Variants in SPHKAP observed in about 807,000 individuals in gnomAD.
SPHKAP encodes the protein A-kinase anchor protein SPHKAP.
SPHKAP carries 67 observed loss-of-function variants against 137.5 expected under a neutral mutation model. The ratio of observed to expected loss-of-function variants is 0.49; its 90% CI spans 0.40 to 0.60. The LOEUF (loss-of-function observed/expected upper bound fraction) is 0.60. SPHKAP is among the 20% of genes least tolerant of loss of function. The probability of loss-of-function intolerance (pLI) is 0.00; values close to 1 mark genes in which losing one functional copy is unlikely to be tolerated. For synonymous variants in SPHKAP, 813 were observed against 785.3 expected (o/e 1.04, Z -0.59); for missense variants, 2,097 against 2,069.3 (o/e 1.01, Z -0.26).
chr2:228,036,000 G>A (rs10211058), intron 3 of SPHKAP, among the ~76,000 whole-genome samples: 88,274 of 144,602 alleles, frequency 0.61, 27,503 homozygotes, highest in African/African-American at 0.74. Flanking sequence ...AAACACCAAA[G>A]GCAATGGCAA....
intron 2 of SPHKAP, among the ~76,000 whole-genome samples, chr2:228,111,228 T>G (rs1559179045): frequency 6.6e-6 from 1 of 152,126 alleles, no homozygotes; most frequent in South Asian, 2.1e-4. Flanking sequence ...TCTAACTGAG[T>G]TGAAATCCTA....
intron 1 of SPHKAP, among the ~76,000 whole-genome samples, chr2:228,178,858 A>G (rs1183207187): frequency 2.0e-5 from 3 of 152,144 alleles, no homozygotes; most frequent in African/African-American, 7.2e-5. Flanking sequence ...GAAAATATTC[A>G]TAGTAAAAAT....
At chr2:228,063,524 A>G (rs1357490118) in intron 3 of SPHKAP, among the ~76,000 whole-genome samples, 2 of 152,204 alleles carry the variant, frequency 1.3e-5, no homozygotes, top group Admixed American at 6.5e-5. Flanking sequence ...CATGTAGCAC[A>G]TTATGAACTA....
At chr2:228,020,790 T>C (rs1008760560) in intron 6 of SPHKAP, among the ~76,000 whole-genome samples, 2 of 152,206 alleles carry the variant, frequency 1.3e-5, no homozygotes, top group Non-Finnish European at 1.5e-5. Flanking sequence ...TTGAATGGTT[T>C]TCCTCAAGAA....
At chr2:227,993,476 T>C (rs978280241) in intron 9 of SPHKAP, 58 bp downstream of exon 9, 2 of 1,457,286 alleles carry the variant, frequency 1.4e-6, no homozygotes, top group Non-Finnish European at 9.4e-7. Context: ...TCAAAATGGA[T>C]TGCCAGATGG....
chr2:228,060,230 A>T (rs1268294757), intron 3 of SPHKAP, among the ~76,000 whole-genome samples: 1 of 152,184 alleles, frequency 6.6e-6, no homozygotes, highest in Admixed American at 6.5e-5. Flanking sequence ...TACTGAGTTC[A>T]TGGCTTTTTT....
rs142658021 is a variant in SPHKAP at position 228,017,685 on chromosome 2, C to T, written c.3169G>A (p.Gly1057Ser). ...GGATAGCCCTGCGCCTGCCACATGC[C>T]GTCCACCATAGAGAACTCCGTTAGG... The part of the protein sequence containing the change: ...MNLTEFSMVD[G>S]MWQAQGYPRN... Residue 1057 changes from glycine to serine, a missense_variant, in exon 7 of 12, where the codon GGC becomes AGC. Gly to Ser is a moderately conservative substitution (Grantham distance 56, BLOSUM62 0). Transcript: ENST00000392056. The T allele has an allele frequency of 2.8e-5, 45 of 1,613,956 alleles. No homozygotes were observed. The South Asian group carries it at 3.7e-4, about 13-fold the overall frequency.
chr2:227,992,366 G>A (rs1008338432), intron 9 of SPHKAP, among the ~76,000 whole-genome samples: 1 of 152,176 alleles, frequency 6.6e-6, no homozygotes, highest in African/African-American at 2.4e-5. Flanking sequence ...CTATGCAAGT[G>A]ACATAGGGGG....
At chr2:228,112,849 C>A (rs1698562511) in intron 2 of SPHKAP, among the ~76,000 whole-genome samples, 1 of 152,112 alleles carries the variant, frequency 6.6e-6, no homozygotes, top group South Asian at 2.1e-4. Flanking sequence ...TTGCTCTGTC[C>A]TATCCTAGAA....
intron 1 of SPHKAP, among the ~76,000 whole-genome samples, chr2:228,173,932 C>T (rs193151607): frequency 6.6e-6 from 1 of 152,306 alleles, no homozygotes; most frequent in Admixed American, 6.5e-5. Context: ...TAAAAGGAGG[C>T]ACATTGGTCT....
intron 3 of SPHKAP, among the ~76,000 whole-genome samples, chr2:228,032,313 G>A (rs546368104): frequency 1.3e-4 from 20 of 152,236 alleles, no homozygotes; most frequent in South Asian, 1.0e-3. Context: ...GAAATGAAGC[G>A]AGAAGGGAAG....
chr2:228,049,449 T>C (rs1303245420), intron 3 of SPHKAP, among the ~76,000 whole-genome samples: 1 of 152,220 alleles, frequency 6.6e-6, no homozygotes, highest in African/African-American at 2.4e-5. Context: ...ATGTGAGACA[T>C]TGCTGCATTA....
intron 1 of SPHKAP, among the ~76,000 whole-genome samples, chr2:228,134,012 T>A (rs997375066): frequency 6.7e-6 from 1 of 149,928 alleles, no homozygotes; most frequent in South Asian, 2.1e-4. Flanking sequence ...TTATCTTTGC[T>A]TAGCTGAGGA....
intron 1 of SPHKAP, among the ~76,000 whole-genome samples, chr2:228,145,933 CT>C (rs1699762811): frequency 1.3e-5 from 2 of 152,270 alleles, no homozygotes; most frequent in East Asian, 3.9e-4. Context: ...TGTGGGCCTA[CT>C]CCTTTTCATT....
chr2:228,012,041 A>G (rs1694393682), intron 7 of SPHKAP, among the ~76,000 whole-genome samples: 1 of 151,418 alleles, frequency 6.6e-6, no homozygotes, highest in Admixed American at 6.6e-5. Flanking sequence ...GGTGGTGCAC[A>G]CCTATAGTCT....
chr2:228,130,422 A>G (rs1187029117), intron 2 of SPHKAP, among the ~76,000 whole-genome samples: 1 of 152,184 alleles, frequency 6.6e-6, no homozygotes, highest in East Asian at 1.9e-4. Context: ...CCTTGCTTCA[A>G]TCTTATAAAA....
At chr2:228,174,628 C>A (rs1478108213) in intron 1 of SPHKAP, among the ~76,000 whole-genome samples, 1 of 152,036 alleles carries the variant, frequency 6.6e-6, no homozygotes, top group African/African-American at 2.4e-5. Flanking sequence ...TATTATTTTA[C>A]ACAAGATTTT....
intron 3 of SPHKAP, among the ~76,000 whole-genome samples, chr2:228,051,734 A>T (rs1255442032): frequency 6.6e-6 from 1 of 152,232 alleles, no homozygotes; most frequent in African/African-American, 2.4e-5. Context: ...ATATTTAAAT[A>T]AAACAAATAT....
In SPHKAP at chr2:227,990,989, G is replaced by A; in HGVS notation, c.4959+11C>T. 6.2e-7 allele frequency: 1 copy of A among 1,612,330 alleles called. No homozygotes were observed. ...AAAGCTTTCTTGTTTTCCAAACCTG[G>A]TACATGATACCTTTTCAATTCTGTT... On this transcript the variant is annotated intron_variant, in intron 11 of 11. Coordinates refer to ENST00000392056, the MANE Select transcript of SPHKAP (RefSeq NM_001142644.2).
Sources: gnomAD v4.1 joint callset for allele counts (sites outside exome capture counted in the v4.1 genomes callset) on GRCh38, gnomAD v4.1.1 for gene constraint, MANE v1.5 for transcripts, NCBI Gene and HGNC (gene_info 2026-07-23, HGNC 2026-07-21) for gene names.